EMC7: variants seen among roughly 807,000 people sequenced by gnomAD.
EMC7 encodes ER membrane protein complex subunit 7, also known as endoplasmic reticulum membrane protein complex subunit 7.
Under a neutral mutation model 24.4 loss-of-function variants are expected in EMC7, and 4 were observed. That is an observed-to-expected ratio of 0.16 (90% confidence interval 0.08 to 0.38). The LOEUF is 0.38. Among genes scored for constraint, EMC7 ranks in the 10% least tolerant of loss-of-function variants. The pLI is 1.00. For missense variants in EMC7, 221 were observed against 300.6 expected (o/e 0.74, Z 1.96); for synonymous variants, 106 against 112.0 (o/e 0.95, Z 0.34).
In EMC7 at chr15:34,093,823, ATTTTTTTTTT is replaced by A. The variant is rs753095506; in HGVS notation, c.356+2062_356+2071del. 1.7e-3 allele frequency among the ~76,000 whole-genome samples: 81 copies of A among 48,710 alleles called. 3 individuals are homozygous for A. Among genetic ancestry groups the A allele is most frequent in the African/African-American group, 8.7e-3 (79 of 9,072 alleles). 32.0% of individuals were successfully genotyped at this position (48,710 alleles called of 152,430 possible). Reference sequence around the variant, plus strand: ...CACACACACATATATATATATATATATTTTTTTTTTTTTTTTTTTTGAGACAGGATCTTGC... The same window carrying A: ...CACACACACATATATATATATATATATTTTTTTTTTGAGACAGGATCTTGC... On this transcript the variant is annotated intron_variant, in intron 2 of 4. Coordinates refer to ENST00000256545, the MANE Select transcript of EMC7 (RefSeq NM_020154.3).
In EMC7 at chr15:34,097,146, T is replaced by G. The variant is rs4041432; in HGVS notation, c.237-1132A>C. On this transcript the variant is annotated intron_variant, in intron 1 of 4. Transcript: ENST00000256545. ...CCTCCTGCGTTCACGCCATTCTCCTTCCTCAGTCTCCCGAGTAGCTGGGAC... is the reference window on the plus strand; with the variant it reads ...CCTCCTGCGTTCACGCCATTCTCCTGCCTCAGTCTCCCGAGTAGCTGGGAC... 8.9e-3 allele frequency among the ~76,000 whole-genome samples: 1,302 copies of G among 145,960 alleles called. 15 individuals carry two copies. Among genetic ancestry groups the G allele is most frequent in the African/African-American group, 0.03 (1,203 of 39,798 alleles).
intron 1 of EMC7, among the ~76,000 whole-genome samples, chr15:34,098,150 T>G (rs6495519): frequency 0.14 from 21,581 of 152,086 alleles, 1,815 homozygotes; most frequent in South Asian, 0.26. Flanking sequence ...TTAGTCTATT[T>G]TCCCCCCAGA....
At chr15:34,096,047 T>C in intron 1 of EMC7, 33 bp from the exon 2 acceptor site, 3 of 1,490,574 alleles carry the variant, frequency 2.0e-6, no homozygotes, top group Non-Finnish European at 2.7e-6. Context: ...TAGCTACTAC[T>C]GATCAACAGC....
At chr15:34,098,438 T>C (rs189122418) in intron 1 of EMC7, among the ~76,000 whole-genome samples, 2 of 149,522 alleles carry the variant, frequency 1.3e-5, no homozygotes, top group African/African-American at 5.0e-5. Flanking sequence ...GGACCCTGAC[T>C]GAACCAATTT....
chr15:34,091,453 T>G (rs927046641), intron 2 of EMC7, among the ~76,000 whole-genome samples: 3 of 152,348 alleles, frequency 2.0e-5, no homozygotes, highest in Non-Finnish European at 2.9e-5. Context: ...CATTTGTTAC[T>G]GCCAGGAATT....
chr15:34,084,172 T>C lies in EMC7; in HGVS notation c.*162A>G. The C allele has an allele frequency of 1.2e-6, 1 of 833,396 alleles. No individual in the cohort carries two copies. The highest frequency in any genetic ancestry group is 1.8e-6 in the Non-Finnish European group (1 of 560,508). 51.6% of individuals were successfully genotyped at this position (833,396 alleles called of 1,614,324 possible). On this transcript the variant is annotated 3_prime_UTR_variant, in exon 5 of 5. Coordinates refer to ENST00000256545, the MANE Select transcript of EMC7 (RefSeq NM_020154.3). ...AAGATGAAAGCTGGGTTTTCTCGTG[T>C]ACCAAGTACAAAACATGTGCTAAAA...
chr15:34,085,179 G>C (rs1865924), intron 4 of EMC7, among the ~76,000 whole-genome samples: 150,702 of 152,298 alleles, frequency 0.99, 74,582 homozygotes, highest in Middle Eastern at 1. Flanking sequence ...TCATTTATAA[G>C]CCTCAGTAGT....
At chr15:34,093,823 A>ATAT (rs1190830993) in intron 2 of EMC7, among the ~76,000 whole-genome samples, 3 of 48,706 alleles carry the variant, frequency 6.2e-5, no homozygotes, top group African/African-American at 2.2e-4. Context: ...ATATATATAT[A>ATAT]TTTTTTTTTT....
At chr15:34,090,665 CT>C (rs1401046367) in intron 2 of EMC7, among the ~76,000 whole-genome samples, 1 of 152,136 alleles carries the variant, frequency 6.6e-6, no homozygotes, top group Non-Finnish European at 1.5e-5. Flanking sequence ...GAAAAAAACG[CT>C]AGACTTGGAA....
At chr15:34,098,989 T>C (rs946000779) in intron 1 of EMC7, among the ~76,000 whole-genome samples, 11 of 152,194 alleles carry the variant, frequency 7.2e-5, no homozygotes, top group Non-Finnish European at 1.3e-4. Flanking sequence ...TATTGGATCC[T>C]GATTTGAAAG....
At chr15:34,088,574 T>C (rs375673901) in intron 3 of EMC7, among the ~76,000 whole-genome samples, 1 of 152,146 alleles carries the variant, frequency 6.6e-6, no homozygotes, top group South Asian at 2.1e-4. Context: ...TGACCTACTT[T>C]AGCAGACCAG....
chr15:34,097,318 C>A (rs543654985), intron 1 of EMC7, among the ~76,000 whole-genome samples: 1 of 152,166 alleles, frequency 6.6e-6, no homozygotes, highest in Non-Finnish European at 1.5e-5. Context: ...CAGGCGTGAG[C>A]CACTGCGCCT....
chr15:34,100,097 G>A (rs1227289486), intron 1 of EMC7, among the ~76,000 whole-genome samples: 1 of 152,238 alleles, frequency 6.6e-6, no homozygotes, highest in Non-Finnish European at 1.5e-5. Context: ...TCCCAAAAAT[G>A]TGACAGGCTG....
chr15:34,097,036 C>CTTTTTTT (rs1320707154), intron 1 of EMC7, among the ~76,000 whole-genome samples: 11 of 12,656 alleles, frequency 8.7e-4, no homozygotes, highest in East Asian at 2.4e-3. Context: ...TTCTGTTCTT[C>CTTTTTTT]TTCTTTTTTT....
chr15:34,096,954 G>A (rs12917199), intron 1 of EMC7, among the ~76,000 whole-genome samples: 146,993 of 148,668 alleles, frequency 0.99, 72,693 homozygotes, highest in Middle Eastern at 1. Flanking sequence ...TGGGCAACCA[G>A]AGCAAAAACT....
chr15:34,099,611 CT>C lies in EMC7; in HGVS notation c.236+1992del, dbSNP rs568031393. On this transcript the variant is annotated intron_variant, in intron 1 of 4. Transcript: ENST00000256545. ...TCATATTAATTCTCCATCAATGTTTCTTTTTTTCCTGAGAGACGGGGTTTTG... is the reference window on the plus strand; with the variant it reads ...TCATATTAATTCTCCATCAATGTTTCTTTTTTCCTGAGAGACGGGGTTTTG... Among the ~76,000 whole-genome samples, 207 of 152,186 alleles carry C rather than the reference CT, an allele frequency of 1.4e-3. 3 individuals carry two copies. In the South Asian group the frequency reaches 0.016, roughly 12 times the overall value.
chr15:34,095,746 A>T, intron 2 of EMC7, 149 bp downstream of exon 2: 1 of 748,576 alleles, frequency 1.3e-6, no homozygotes, highest in Non-Finnish European at 1.9e-6. Flanking sequence ...TGTTCAGATT[A>T]AATAAACGAG....
chr15:34,097,968 C>A (rs1179671244), intron 1 of EMC7, among the ~76,000 whole-genome samples: 875 of 125,182 alleles, frequency 7.0e-3, no homozygotes, highest in Non-Finnish European at 8.0e-3. Flanking sequence ...GACTCCGTCT[C>A]AAAAAAAAAA....
At chr15:34,092,785 G>A (rs1383866087) in intron 2 of EMC7, among the ~76,000 whole-genome samples, 1 of 152,130 alleles carries the variant, frequency 6.6e-6, no homozygotes, top group East Asian at 1.9e-4. Flanking sequence ...TGCTAAAGCA[G>A]GAAGTACTCT....
Sources: allele counts gnomAD v4.1 joint callset (sites outside exome capture counted in the v4.1 genomes callset), GRCh38; gene constraint gnomAD v4.1.1; transcripts MANE v1.5; gene names NCBI Gene and HGNC (gene_info 2026-07-23, HGNC 2026-07-21).